The following MGMT variants were observed in gnomAD, a reference collection of about 807,000 sequenced individuals.
MGMT encodes the protein methylated-DNA--protein-cysteine methyltransferase.
Under a neutral mutation model 15.9 loss-of-function variants are expected in MGMT, and 14 were observed. The ratio of observed to expected loss-of-function variants is 0.88; its 90% CI spans 0.58 to 1.37. The LOEUF is 1.37. Ranked by LOEUF, MGMT falls within the 40% of genes most tolerant of loss-of-function variation. The pLI is 0.00. For synonymous variants in MGMT, 130 were observed against 118.2 expected (o/e 1.10, Z -0.65); for missense variants, 282 against 268.1 (o/e 1.05, Z -0.36).
intron 2 of MGMT, among the ~76,000 whole-genome samples, chr10:129,587,367 T>C (rs903548996): frequency 4.0e-5 from 6 of 151,240 alleles, no homozygotes; most frequent in Admixed American, 3.3e-4. Flanking sequence ...TATTATGTTT[T>C]TGAGTTCACT....
chr10:129,518,027 T>G (rs1306942514), intron 1 of MGMT, among the ~76,000 whole-genome samples: 1 of 152,048 alleles, frequency 6.6e-6, no homozygotes, highest in Non-Finnish European at 1.5e-5. Flanking sequence ...GGGCTCCCAG[T>G]GGCAGGCATC....
chr10:129,599,243 C>T (rs1846788962), intron 2 of MGMT, among the ~76,000 whole-genome samples: 1 of 152,108 alleles, frequency 6.6e-6, no homozygotes, highest in African/African-American at 2.4e-5. Flanking sequence ...GTGATTGGCA[C>T]AAGAGTAGGC....
intron 3 of MGMT, among the ~76,000 whole-genome samples, chr10:129,712,267 C>G (rs373145473): frequency 1.5e-4 from 23 of 152,132 alleles, no homozygotes; most frequent in Non-Finnish European, 8.8e-5. Context: ...TAGCTGGGAC[C>G]CCAGCCTTCT....
At chr10:129,508,407 GTGTT>G (rs1179550114) in intron 1 of MGMT, among the ~76,000 whole-genome samples, 1 of 152,086 alleles carries the variant, frequency 6.6e-6, no homozygotes, top group East Asian at 1.9e-4. Flanking sequence ...CTAAAACAGT[GTGTT>G]TGTCAGTTGA....
intron 2 of MGMT, among the ~76,000 whole-genome samples, chr10:129,602,267 T>C (rs930192148): frequency 1.3e-5 from 2 of 152,186 alleles, no homozygotes; most frequent in South Asian, 4.1e-4. Flanking sequence ...ATGTTGTGAG[T>C]GTCACTTTAC....
chr10:129,647,192 C>T (rs760868400), intron 2 of MGMT, among the ~76,000 whole-genome samples: 1 of 152,134 alleles, frequency 6.6e-6, no homozygotes, highest in Non-Finnish European at 1.5e-5. Context: ...GAGGCGCCTG[C>T]GGAATGGTGG....
At chr10:129,554,934 C>T (rs542728885) in intron 2 of MGMT, among the ~76,000 whole-genome samples, 2 of 152,300 alleles carry the variant, frequency 1.3e-5, no homozygotes, top group South Asian at 4.1e-4. Flanking sequence ...TCACTTCACT[C>T]CATGCCTCAG....
chr10:129,518,454 G>C (rs547186420), intron 1 of MGMT, among the ~76,000 whole-genome samples: 122 of 77,816 alleles, frequency 1.6e-3, no homozygotes, highest in African/African-American at 5.7e-3. Context: ...CCACCGCAGA[G>C]ACAGCAAGAC....
At chr10:129,624,277 C>T (rs1847121931) in intron 2 of MGMT, among the ~76,000 whole-genome samples, 1 of 152,186 alleles carries the variant, frequency 6.6e-6, no homozygotes, top group Non-Finnish European at 1.5e-5. Flanking sequence ...GGTCCTGCTC[C>T]CCCGGGGACA....
chr10:129,631,135 A>G (rs753563603), intron 2 of MGMT, among the ~76,000 whole-genome samples: 2 of 151,956 alleles, frequency 1.3e-5, no homozygotes, highest in Non-Finnish European at 2.9e-5. Context: ...TATTTATGTT[A>G]ATGAAACCAG....
chr10:129,656,944 T>C (rs1388354870), intron 2 of MGMT, among the ~76,000 whole-genome samples: 1 of 152,062 alleles, frequency 6.6e-6, no homozygotes, highest in African/African-American at 2.4e-5. Flanking sequence ...TCGGGCTTCT[T>C]AACCCAAAAG....
At chr10:129,722,472 C>T (rs1026005207) in intron 3 of MGMT, among the ~76,000 whole-genome samples, 10 of 152,212 alleles carry the variant, frequency 6.6e-5, no homozygotes, top group African/African-American at 2.4e-4. Flanking sequence ...GCATTCAGTT[C>T]AGTCACACTT....
At chr10:129,535,418 C>T (rs1453111260) in intron 1 of MGMT, among the ~76,000 whole-genome samples, 3 of 152,188 alleles carry the variant, frequency 2.0e-5, no homozygotes, top group African/African-American at 7.2e-5. Flanking sequence ...AAGAAATGTA[C>T]AAGTGTAAAG....
chr10:129,609,196 C>T lies in MGMT; in HGVS notation c.125+72819C>T, dbSNP rs1481018608. On this transcript the variant is annotated intron_variant, in intron 2 of 4. Coordinates refer to ENST00000651593, the MANE Select transcript of MGMT (RefSeq NM_002412.5). ...GTAGCACAGGAAAGGAGGTTGTCTACAGCCTTTCTCACCACACCTTTCCCT... is the reference window on the plus strand; with the variant it reads ...GTAGCACAGGAAAGGAGGTTGTCTATAGCCTTTCTCACCACACCTTTCCCT... 2.0e-5 allele frequency among the ~76,000 whole-genome samples: 3 copies of T among 152,202 alleles called. No homozygotes were observed. The East Asian group carries it at 5.8e-4, about 29-fold the overall frequency.
chr10:129,558,911 G>A (rs777229106), intron 2 of MGMT, among the ~76,000 whole-genome samples: 16 of 152,094 alleles, frequency 1.1e-4, no homozygotes, highest in East Asian at 5.8e-4. Context: ...CCCCGACGCC[G>A]GGCTGGTCTG....
At chr10:129,685,167 T>C (rs1847891360) in intron 2 of MGMT, among the ~76,000 whole-genome samples, 1 of 152,260 alleles carries the variant, frequency 6.6e-6, no homozygotes, top group African/African-American at 2.4e-5. Context: ...CAAGATTTGC[T>C]GATTTTTAAA....
chr10:129,477,977 A>G (rs1243900764), intron 1 of MGMT, among the ~76,000 whole-genome samples: 1 of 152,166 alleles, frequency 6.6e-6, no homozygotes, highest in Admixed American at 6.5e-5. Context: ...ACAAGTAACA[A>G]ACAGAAACCC....
At chr10:129,554,403 T>G (rs1455802397) in intron 2 of MGMT, among the ~76,000 whole-genome samples, 1 of 152,228 alleles carries the variant, frequency 6.6e-6, no homozygotes, top group Non-Finnish European at 1.5e-5. Flanking sequence ...TTAAGCATTT[T>G]TCTTGTTCTG....
chr10:129,583,848 GTT>G (rs1183311127), intron 2 of MGMT, among the ~76,000 whole-genome samples: 2 of 151,850 alleles, frequency 1.3e-5, no homozygotes, highest in Non-Finnish European at 2.9e-5. Context: ...CTTGACTTTC[GTT>G]TTGTTTTTTT....
Sources: gnomAD v4.1 joint callset for allele counts (sites outside exome capture counted in the v4.1 genomes callset) on GRCh38, gnomAD v4.1.1 for gene constraint, MANE v1.5 for transcripts, NCBI Gene and HGNC (gene_info 2026-07-23, HGNC 2026-07-21) for gene names.